Variants in CNTN1 observed in about 807,000 individuals in gnomAD.
CNTN1 encodes the protein contactin 1.
Under a neutral mutation model 126.4 loss-of-function variants are expected in CNTN1, and 38 were observed. The ratio of observed to expected loss-of-function variants is 0.30; its 90% CI spans 0.23 to 0.39. CNTN1 has a LOEUF of 0.39. Among genes scored for constraint, CNTN1 ranks in the 10% least tolerant of loss-of-function variants. The pLI, the probability that CNTN1 is intolerant of heterozygous loss-of-function variation, is 1.00. For missense variants in CNTN1, 1,009 were observed against 1,248.4 expected (o/e 0.81, Z 2.89); for synonymous variants, 413 against 422.6 (o/e 0.98, Z 0.28).
At chr12:41,040,861 CAG>C (rs1468590202) in intron 23 of CNTN1, among the ~76,000 whole-genome samples, 1 of 146,682 alleles carries the variant, frequency 6.8e-6, no homozygotes, top group Non-Finnish European at 1.5e-5. Flanking sequence ...CATCTGCAAA[CAG>C]GGACAATTTG....
chr12:40,764,947 G>T (rs1460910280), intron 1 of CNTN1, among the ~76,000 whole-genome samples: 1 of 152,052 alleles, frequency 6.6e-6, no homozygotes, highest in Non-Finnish European at 1.5e-5. Context: ...TGAGATTAGA[G>T]AACATATTTT....
chr12:40,930,126 G>T, intron 7 of CNTN1, 124 bp downstream of exon 7: 1 of 826,678 alleles, frequency 1.2e-6, no homozygotes, highest in Admixed American at 1.8e-5. Context: ...TATAAAAGGG[G>T]ATGCATGTTG....
At chr12:40,810,051 G>T (rs1596517) in intron 1 of CNTN1, among the ~76,000 whole-genome samples, 1 of 151,834 alleles carries the variant, frequency 6.6e-6, no homozygotes, top group Admixed American at 6.6e-5. Context: ...ATCATGGTAT[G>T]GTTATTTTAA....
chr12:41,020,186 A>G (rs1948875770), intron 19 of CNTN1, 151 bp from the exon 20 acceptor site: 1 of 583,202 alleles, frequency 1.7e-6, no homozygotes, highest in Admixed American at 3.2e-5. Flanking sequence ...AGGTAATGAA[A>G]TAATTGCACT....
intron 1 of CNTN1, among the ~76,000 whole-genome samples, chr12:40,824,906 T>G (rs1161491830): frequency 6.6e-6 from 1 of 152,168 alleles, no homozygotes; most frequent in African/African-American, 2.4e-5. Flanking sequence ...TATCTAGCAG[T>G]TATTTTACAT....
chr12:40,768,781 C>T (rs2136429147), intron 1 of CNTN1, among the ~76,000 whole-genome samples: 1 of 152,306 alleles, frequency 6.6e-6, no homozygotes. Flanking sequence ...AAGTGAGAAA[C>T]AGACAAGGAA....
At chr12:40,841,687 T>A (rs1414153545) in intron 1 of CNTN1, among the ~76,000 whole-genome samples, 1 of 151,788 alleles carries the variant, frequency 6.6e-6, no homozygotes, top group Non-Finnish European at 1.5e-5. Flanking sequence ...CATATGATAT[T>A]CCAATAGATG....
chr12:40,750,856 G>C (rs1188219852), intron 1 of CNTN1, among the ~76,000 whole-genome samples: 1 of 152,062 alleles, frequency 6.6e-6, no homozygotes. Flanking sequence ...GTCAGGAGAT[G>C]AAGTCTAGAG....
chr12:40,873,018 T>TAAACCCCAGTCAGGCTGACAC (rs1393935696), intron 1 of CNTN1, among the ~76,000 whole-genome samples: 7 of 152,134 alleles, frequency 4.6e-5, no homozygotes, highest in Non-Finnish European at 5.9e-5. Context: ...ATCCAGGACT[T>TAAACCCCAGTCAGGCTGACAC]AAACCCCAGT....
At chr12:40,928,186 A>C (rs1167244969) in intron 6 of CNTN1, among the ~76,000 whole-genome samples, 1 of 152,022 alleles carries the variant, frequency 6.6e-6, no homozygotes, top group Non-Finnish European at 1.5e-5. Flanking sequence ...TGGGGATTTA[A>C]TTTTTAACAG....
intron 1 of CNTN1, among the ~76,000 whole-genome samples, chr12:40,825,438 T>A (rs1451501948): frequency 6.6e-6 from 1 of 152,160 alleles, no homozygotes; most frequent in Non-Finnish European, 1.5e-5. Context: ...TTGATTTATC[T>A]TATTGACCCC....
chr12:40,819,323 C>T (rs1251441820), intron 1 of CNTN1, among the ~76,000 whole-genome samples: 1 of 152,140 alleles, frequency 6.6e-6, no homozygotes, highest in Non-Finnish European at 1.5e-5. Flanking sequence ...TGCGGCCACC[C>T]CTCTCACTAG....
At chr12:40,814,423 C>T (rs903846247) in intron 1 of CNTN1, among the ~76,000 whole-genome samples, 2 of 152,132 alleles carry the variant, frequency 1.3e-5, no homozygotes, top group Admixed American at 6.5e-5. Context: ...TATGGTTAGC[C>T]AGTTTTCCCA....
intron 1 of CNTN1, among the ~76,000 whole-genome samples, chr12:40,716,552 C>G (rs1942054936): frequency 6.6e-6 from 1 of 152,176 alleles, no homozygotes; most frequent in Admixed American, 6.5e-5. Context: ...GGGTGTTGGA[C>G]ATGGGCAATT....
At chr12:40,939,601 A>T in intron 12 of CNTN1, 116 bp downstream of exon 12, 1 of 1,125,450 alleles carries the variant, frequency 8.9e-7, no homozygotes, top group South Asian at 1.4e-5. Flanking sequence ...TTTTTTTTTC[A>T]CAGAAGATCC....
chr12:40,983,615 A>C (rs1947876314), intron 16 of CNTN1, among the ~76,000 whole-genome samples: 1 of 151,582 alleles, frequency 6.6e-6, no homozygotes. Context: ...TACCAGATAC[A>C]TTTGAATTTA....
chr12:40,864,567 T>G (rs944947855), intron 1 of CNTN1, among the ~76,000 whole-genome samples: 2 of 152,172 alleles, frequency 1.3e-5, no homozygotes, highest in Non-Finnish European at 2.9e-5. Flanking sequence ...GGACACTTCA[T>G]GTGAATGAAA....
chr12:40,698,234 T>A (rs1264533491), intron 1 of CNTN1, among the ~76,000 whole-genome samples: 27 of 136,278 alleles, frequency 2.0e-4, no homozygotes, highest in African/African-American at 6.7e-4. Flanking sequence ...CTTAATTTTT[T>A]TTTTTTTTTT....
rs571082095 is a variant in CNTN1, at chr12:40,798,007, T to A, written c.-77+105415T>A. On this transcript the variant is annotated intron_variant, in intron 1 of 23. Coordinates refer to ENST00000551295, the MANE Select transcript of CNTN1 (RefSeq NM_001843.4). ...TGTAATATAAAATACATAAGTGGGT[T>A]AATGAGTCTGGAGCTCAGAAAAGAA... Among the ~76,000 whole-genome samples the A allele has an allele frequency of 3.3e-5, 5 of 152,128 alleles. No individual in the cohort carries two copies. The South Asian group carries it at 1.0e-3, about 31-fold the overall frequency.
Sources: gnomAD v4.1 joint callset for allele counts (sites outside exome capture counted in the v4.1 genomes callset) on GRCh38, gnomAD v4.1.1 for gene constraint, MANE v1.5 for transcripts, NCBI Gene and HGNC (gene_info 2026-07-23, HGNC 2026-07-21) for gene names.